Variants in APAF1 observed in about 807,000 individuals in gnomAD.
APAF1 encodes the protein apoptotic peptidase activating factor 1.
APAF1 carries 91 observed loss-of-function variants against 152.4 expected under a neutral mutation model. That is an observed-to-expected ratio of 0.60 (90% confidence interval 0.50 to 0.71). The LOEUF (loss-of-function observed/expected upper bound fraction) is 0.71. APAF1 is among the 30% of genes least tolerant of loss of function. APAF1 has a pLI of 0.00. For synonymous variants in APAF1, 484 were observed against 494.1 expected (o/e 0.98, Z 0.27); for missense variants, 1,283 against 1,472.0 (o/e 0.87, Z 2.10).
chr12:98,712,992 GT>G (rs764854868), intron 21 of APAF1, among the ~76,000 whole-genome samples: 1 of 150,502 alleles, frequency 6.6e-6, no homozygotes, highest in Non-Finnish European at 1.5e-5. Context: ...TAATTTTTCT[GT>G]TTTTGTAGAG....
chr12:98,689,713 C>T (rs767224954), intron 16 of APAF1, among the ~76,000 whole-genome samples: 3 of 152,174 alleles, frequency 2.0e-5, no homozygotes, highest in Admixed American at 6.5e-5. Context: ...CCACTTTGGT[C>T]TCCCAAAGTA....
In APAF1 at chr12:98,723,699, C is replaced by A. The variant is rs774095537; in HGVS notation, c.3265C>A (p.Leu1089Ile). 3 of 1,610,678 alleles carry A rather than the reference C, an allele frequency of 1.9e-6. No individual in the cohort carries two copies. Among genetic ancestry groups the A allele is most frequent in the Non-Finnish European group, 1.7e-6 (2 of 1,178,116 alleles). Residue 1089 changes from leucine (L) to isoleucine (I), a missense_variant, in exon 24 of 27, where the codon CTT (leucine) becomes ATT (isoleucine). Physicochemically the swap from Leu to Ile is conservative, Grantham distance 5 (BLOSUM62 2). Coordinates refer to ENST00000551964, the MANE Select transcript of APAF1 (RefSeq NM_181861.2). Reference sequence around the variant, plus strand: ...CTTTGTCTGTCACCAGGGTACAGTACTTTCTTGTGACATTTCTCACGATGC... The same window carrying A: ...CTTTGTCTGTCACCAGGGTACAGTAATTTCTTGTGACATTTCTCACGATGC... ...KDFVCHQGTVLSCDISHDATK... is the reference protein window; with the variant it reads ...KDFVCHQGTVISCDISHDATK...
chr12:98,685,428 C>T (rs920660127), intron 15 of APAF1, among the ~76,000 whole-genome samples: 7 of 151,126 alleles, frequency 4.6e-5, no homozygotes, highest in South Asian at 2.1e-4. Context: ...CTCTGCCTCC[C>T]GGGTTCAAGC....
intron 4 of APAF1, among the ~76,000 whole-genome samples, chr12:98,655,370 C>A: frequency 6.6e-6 from 1 of 151,142 alleles, no homozygotes; most frequent in African/African-American, 2.4e-5. Context: ...GGGTGGTGGC[C>A]GGGCAGAGGG....
chr12:98,703,979 T>C (rs2097718575), intron 18 of APAF1, among the ~76,000 whole-genome samples: 2 of 152,348 alleles, frequency 1.3e-5, no homozygotes, highest in African/African-American at 2.4e-5. Flanking sequence ...TATAAATTAC[T>C]TTTTTATGAT....
In APAF1 at chr12:98,648,468, A is replaced by G. The variant is rs372259373; in HGVS notation, c.109A>G (p.Ile37Val). 1.2e-6 allele frequency: 2 copies of G among 1,613,856 alleles called. No homozygotes were observed. Among genetic ancestry groups the G allele is most frequent in the Non-Finnish European group, 1.7e-6 (2 of 1,179,926 alleles). Residue 37 changes from isoleucine to valine, a missense_variant, in exon 2 of 27, where the codon ATA (isoleucine) becomes GTA (valine). Coordinates refer to ENST00000551964, the MANE Select transcript of APAF1 (RefSeq NM_181861.2). ...CATGATTAGTGATGGATTTTTAACA[A>G]TATCAGAAGAGGAAAAAGTAAGAAA... ...DHMISDGFLTISEEEKVRNEP... is the reference protein window; with the variant it reads ...DHMISDGFLTVSEEEKVRNEP...
chr12:98,663,912 C>T (rs2097668799), intron 7 of APAF1, among the ~76,000 whole-genome samples: 1 of 152,158 alleles, frequency 6.6e-6, no homozygotes. Context: ...CCCGCCTCAG[C>T]CTCCCAAAGT....
rs370857584 is a variant in APAF1, at chr12:98,673,791, C to T, written c.1793+2072C>T. On this transcript the variant is annotated intron_variant, in intron 12 of 26. Coordinates refer to ENST00000551964, the MANE Select transcript of APAF1 (RefSeq NM_181861.2). ...CTTTCCCCTAAGGAGTTCAAAATCTCGTAGTGAAGAAAGGAGTTTAGGCAA... is the reference window on the plus strand; with the variant it reads ...CTTTCCCCTAAGGAGTTCAAAATCTTGTAGTGAAGAAAGGAGTTTAGGCAA... 4.6e-5 allele frequency among the ~76,000 whole-genome samples: 7 copies of T among 151,994 alleles called. No homozygotes were observed. The East Asian group carries it at 1.2e-3, about 25-fold the overall frequency.
At chr12:98,665,519 G>T (rs199965950) in intron 7 of APAF1, 34 bp from the exon 8 acceptor site, 4 of 1,377,748 alleles carry the variant, frequency 2.9e-6, no homozygotes, top group Non-Finnish European at 4.1e-6. Flanking sequence ...AAATAGGATG[G>T]TATTAGCATA....
In APAF1 at chr12:98,703,366, G is replaced by T; in HGVS notation, c.2467-5G>T. The T allele has an allele frequency of 6.2e-7, 1 of 1,613,890 alleles. No homozygotes were observed. The highest frequency in any genetic ancestry group is 1.3e-5 in the African/African-American group (1 of 74,990). On this transcript the variant is annotated splice_region_variant and splice_polypyrimidine_tract_variant and intron_variant, in intron 17 of 26. Coordinates refer to ENST00000551964, the MANE Select transcript of APAF1 (RefSeq NM_181861.2). ...CTTCATAGGTATCTCTATTTATGTTGACAGCTTTTTGACATTCATACTAGT... is the reference window on the plus strand; with the variant it reads ...CTTCATAGGTATCTCTATTTATGTTTACAGCTTTTTGACATTCATACTAGT...
chr12:98,691,979 C>A (rs2097704719), intron 16 of APAF1, among the ~76,000 whole-genome samples: 1 of 152,188 alleles, frequency 6.6e-6, no homozygotes, highest in African/African-American at 2.4e-5. Context: ...TCATTCCTAA[C>A]TTCCTGCTAG....
At chr12:98,707,692 C>A (rs2097723003) in intron 19 of APAF1, among the ~76,000 whole-genome samples, 2 of 139,648 alleles carry the variant, frequency 1.4e-5, no homozygotes, top group South Asian at 4.8e-4. Context: ...ATGCAAAGTA[C>A]TATATATATA....
At chr12:98,666,455 A>T in intron 9 of APAF1, 98 bp downstream of exon 9, 1 of 1,208,906 alleles carries the variant, frequency 8.3e-7, no homozygotes, top group Non-Finnish European at 1.2e-6. Flanking sequence ...TTCTGTGCAT[A>T]AGTCCTTCAC....
chr12:98,699,431 T>C lies in APAF1; in HGVS notation c.2328T>C (p.Asn776=). The change falls in exon 17 of 27, where the codon AAT becomes AAC. Residue 776 remains asparagine (N), a synonymous_variant. Transcript: ENST00000551964. ...AGCTTTGGGATGCGACATCAGCAAATGAGAGGAAAAGCATTAATGTGAAAC... is the reference window on the plus strand; with the variant it reads ...AGCTTTGGGATGCGACATCAGCAAACGAGAGGAAAAGCATTAATGTGAAAC... The part of the protein sequence containing the change: ...TLKLWDATSA[N]ERKSINVKQF... 6.2e-7 allele frequency: 1 copy of C among 1,614,082 alleles called. No homozygotes were observed.
intron 4 of APAF1, among the ~76,000 whole-genome samples, chr12:98,652,990 C>G (rs77296419): frequency 0.073 from 11,157 of 151,928 alleles, 565 homozygotes; most frequent in East Asian, 0.21. Context: ...TGGGTGTTCT[C>G]AGTAGACGAG....
rs1301807294 is a variant in APAF1 at position 98,720,964 on chromosome 12, C to T, written c.3085-2229C>T. Among the ~76,000 whole-genome samples the T allele has an allele frequency of 4.1e-5, 6 of 147,906 alleles. No homozygotes were observed. The East Asian group carries it at 1.2e-3, about 29-fold the overall frequency. ...CCTGGGCGACAGAGCAAGACTCTGT[C>T]TCAAAAAAAAAGAAAAAAAAAATTT... On this transcript the variant is annotated intron_variant, in intron 22 of 26. Coordinates refer to ENST00000551964, the MANE Select transcript of APAF1 (RefSeq NM_181861.2).
At chr12:98,648,251 A>G (rs2097644496) in intron 1 of APAF1, 68 bp from the exon 2 acceptor site, 2 of 1,372,384 alleles carry the variant, frequency 1.5e-6, no homozygotes, top group Admixed American at 3.8e-5. Flanking sequence ...TTTCTTGTTT[A>G]TTAGTGAGAT....
chr12:98,696,297 A>G (rs1438271643), intron 16 of APAF1, among the ~76,000 whole-genome samples: 1 of 152,198 alleles, frequency 6.6e-6, no homozygotes, highest in Admixed American at 6.5e-5. Flanking sequence ...CAAAGAGATC[A>G]TATGAAAAGA....
At chr12:98,666,082 C>G in intron 8 of APAF1, 108 bp from the exon 9 acceptor site, 1 of 1,047,180 alleles carries the variant, frequency 9.5e-7, no homozygotes, top group Non-Finnish European at 1.5e-6. Flanking sequence ...TGGAGACATT[C>G]TTACTCAGGG....
Sources: gnomAD v4.1 joint callset for allele counts (sites outside exome capture counted in the v4.1 genomes callset) on GRCh38, gnomAD v4.1.1 for gene constraint, MANE v1.5 for transcripts, NCBI Gene and HGNC (gene_info 2026-07-23, HGNC 2026-07-21) for gene names.